Variants in RAD21 observed in about 807,000 individuals in gnomAD.
RAD21 encodes the protein RAD21 cohesin complex component.
In RAD21, 18 loss-of-function variants were observed where a neutral mutation model predicts 71.5. The ratio of observed to expected loss-of-function variants is 0.25; its 90% CI spans 0.17 to 0.37. RAD21 has a LOEUF of 0.37. RAD21 is among the 10% of genes least tolerant of loss of function. The pLI is 1.00. For synonymous variants in RAD21, 248 were observed against 254.0 expected, an observed-to-expected ratio of 0.98 and a Z score of 0.22; for missense variants, 493 against 769.1, an observed-to-expected ratio of 0.64 and a Z score of 4.25.
At chr8:116,873,248 T>G (rs1342095267) in intron 1 of RAD21, among the ~76,000 whole-genome samples, 2 of 150,896 alleles carry the variant, frequency 1.3e-5, no homozygotes, top group African/African-American at 5.0e-5. Flanking sequence ...AGAAATTCTT[T>G]TGTAATTCTG....
rs16888952 is a variant in RAD21 at position 116,859,422 on chromosome 8, G to A, written c.375-964C>T. On this transcript the variant is annotated intron_variant, in intron 4 of 13. Coordinates refer to ENST00000297338, the MANE Select transcript of RAD21 (RefSeq NM_006265.3). ...TTTTTCCTTATTTTTTAGTAGACAT[G>A]GGGGGGCGGGATCTTACTATATTGC... Among the ~76,000 whole-genome samples the A allele has an allele frequency of 5.9e-3, 892 of 151,858 alleles. 3 individuals are homozygous for A. The highest frequency in any genetic ancestry group is 9.2e-3 in the Non-Finnish European group (626 of 67,876).
chr8:116,856,092 T>G, intron 8 of RAD21, 74 bp downstream of exon 8: 1 of 1,506,312 alleles, frequency 6.6e-7, no homozygotes, highest in Non-Finnish European at 9.0e-7. Context: ...CAGTAGCAGA[T>G]CAGTAGACAG....
At chr8:116,861,758 C>G in intron 4 of RAD21, 83 bp downstream of exon 4, 1 of 958,014 alleles carries the variant, frequency 1.0e-6, no homozygotes, top group Non-Finnish European at 1.6e-6. Context: ...TAAAACATTC[C>G]AAGGAAAACT....
Position 116,846,286 on chromosome 8 carries a change from A to C in RAD21, c.*1214T>G, listed in dbSNP as rs1217957363. ...GGGTATACACTGAAGTCTGAGTTTCAAAAGTGATTTTTTTTTCCCACAAAA... is the reference window on the plus strand; with the variant it reads ...GGGTATACACTGAAGTCTGAGTTTCCAAAGTGATTTTTTTTTCCCACAAAA... On this transcript the variant is annotated 3_prime_UTR_variant, in exon 14 of 14. Transcript: ENST00000297338. 4.3e-6 allele frequency: 1 copy of C among 230,890 alleles called. No homozygotes were observed. Among genetic ancestry groups the C allele is most frequent in the Non-Finnish European group, 8.6e-6 (1 of 116,692 alleles). 14.3% of individuals were successfully genotyped at this position (230,890 alleles called of 1,614,324 possible).
intron 1 of RAD21, among the ~76,000 whole-genome samples, chr8:116,873,501 T>C (rs149159758): frequency 6.6e-6 from 1 of 151,322 alleles, no homozygotes; most frequent in Non-Finnish European, 1.5e-5. Context: ...TTACACCCAA[T>C]TTAAGAAAAT....
At position 116,856,292 on chromosome 8, in the gene RAD21, T is replaced by TAAAAAAAA. The variant is rs35902828; in HGVS notation, c.815-12_815-5dup. On this transcript the variant is annotated splice_polypyrimidine_tract_variant and splice_region_variant and intron_variant, in intron 7 of 13. Transcript: ENST00000297338. Reference sequence around the variant, plus strand: ...TCAGGACTATCAGGCCCACCCACTGTAAAAAAAAAAAAAAAAAAAAAAAGT... The same window carrying TAAAAAAAA: ...TCAGGACTATCAGGCCCACCCACTGTAAAAAAAAAAAAAAAAAAAAAAAAAAAAAAAGT... 2.6e-6 allele frequency: 3 copies of TAAAAAAAA among 1,175,616 alleles called. No individual in the cohort carries two copies. The highest frequency in any genetic ancestry group is 3.2e-5 in the South Asian group (1 of 31,636). 72.8% of individuals were successfully genotyped at this position (1,175,616 alleles called of 1,614,324 possible). A position where few individuals can be genotyped will look rare whatever the true frequency, so the allele number is the denominator to read the frequency against.
chr8:116,862,349 A>G (rs1219377699), intron 3 of RAD21, among the ~76,000 whole-genome samples: 3 of 152,100 alleles, frequency 2.0e-5, no homozygotes, highest in Non-Finnish European at 4.4e-5. Context: ...CAAGTTGTCT[A>G]TAATAAATAT....
chr8:116,873,570 A>T (rs933172177), intron 1 of RAD21, among the ~76,000 whole-genome samples: 6 of 152,190 alleles, frequency 3.9e-5, no homozygotes, highest in Non-Finnish European at 8.8e-5. Flanking sequence ...AACAAAGATT[A>T]ACTTTCCCTT....
chr8:116,867,784 A>G (rs1449243098), intron 1 of RAD21, among the ~76,000 whole-genome samples: 1 of 152,366 alleles, frequency 6.6e-6, no homozygotes, highest in East Asian at 1.9e-4. Flanking sequence ...AGCAGGTCCC[A>G]TGTACTTTTT....
Position 116,847,187 on chromosome 8 carries a change from G to C in RAD21, c.*313C>G, listed in dbSNP as rs1050543377. On this transcript the variant is annotated 3_prime_UTR_variant, in exon 14 of 14. Transcript: ENST00000297338. ...AATGAAGAACTAAGATAAAAATCAT[G>C]ACTTTTGACTGCCACTCAACATTAT... 5 of 278,520 alleles carry C rather than the reference G, an allele frequency of 1.8e-5. No homozygotes were observed. Among genetic ancestry groups the C allele is most frequent in the African/African-American group, 8.6e-5 (4 of 46,556 alleles). 17.3% of individuals were successfully genotyped at this position (278,520 alleles called of 1,614,324 possible).
Position 116,846,935 on chromosome 8 carries a change from G to A in RAD21, c.*565C>T, listed in dbSNP as rs904673262. The A allele has an allele frequency of 6.5e-5, 14 of 214,364 alleles. No homozygotes were observed. The highest frequency in any genetic ancestry group is 2.1e-4 in the East Asian group (3 of 14,304). The allele number at this position is 214,364 out of a possible 1,614,324, so 13.3% of individuals were successfully genotyped here. A position where few individuals can be genotyped will look rare whatever the true frequency, so the allele number is the denominator to read the frequency against. ...AGGCTATCAGTCATAACACAATTTC[G>A]CGTACACCTCTGCTCATTATGGAAT... On this transcript the variant is annotated 3_prime_UTR_variant, in exon 14 of 14. Transcript: ENST00000297338.
At chr8:116,868,789 C>T (rs897695092) in intron 1 of RAD21, among the ~76,000 whole-genome samples, 10 of 151,072 alleles carry the variant, frequency 6.6e-5, no homozygotes, top group African/African-American at 2.4e-4. Context: ...AGAAATAGCC[C>T]GCACAACTAA....
At chr8:116,847,778 C>G (rs1812276154) in intron 13 of RAD21, 87 bp from the exon 14 acceptor site, 2 of 1,215,466 alleles carry the variant, frequency 1.6e-6, no homozygotes, top group South Asian at 3.1e-5. Context: ...AATATTTGTC[C>G]CCTCCAAATC....
Position 116,852,030 on chromosome 8 carries a change from A to G in RAD21, c.1388T>C (p.Ile463Thr). The stretch of plus-strand genomic sequence containing the variant: ...TGGTGGAGGCATAGCTGACTCATCT[A>G]TGTTTGTTCTGCTGGCCTCCATCAC... ...ESVMEASRTN[I>T]DESAMPPPPP... Residue 463 changes from isoleucine (I) to threonine (T), a missense_variant, in exon 11 of 14, where the codon ATA (isoleucine) becomes ACA (threonine). This residue lies in a region of RAD21 where 225 missense variants were observed against 218.3 expected (regional missense o/e 1.03). Coordinates refer to ENST00000297338, the MANE Select transcript of RAD21 (RefSeq NM_006265.3). The G allele has an allele frequency of 1.2e-6, 2 of 1,612,996 alleles. No homozygotes were observed. The highest frequency in any genetic ancestry group is 1.3e-5 in the African/African-American group (1 of 75,018).
chr8:116,874,470 G>A (rs950501020), intron 1 of RAD21, 141 bp downstream of exon 1: 16 of 211,946 alleles, frequency 7.5e-5, no homozygotes, highest in Non-Finnish European at 1.1e-4. Context: ...CGGGAGGGTG[G>A]CAGCACGCGT....
At chr8:116,871,173 T>C (rs1002992154) in intron 1 of RAD21, among the ~76,000 whole-genome samples, 3 of 152,214 alleles carry the variant, frequency 2.0e-5, no homozygotes, top group Non-Finnish European at 4.4e-5. Context: ...CCTATTTTTT[T>C]TTCCTTGATA....
chr8:116,866,860 A>T, intron 1 of RAD21, 99 bp from the exon 2 acceptor site: 1 of 705,230 alleles, frequency 1.4e-6, no homozygotes, highest in Non-Finnish European at 2.0e-6. Flanking sequence ...CTTTAATATG[A>T]AAACTATAAA....
rs780167105 is a variant in RAD21 at position 116,863,125 on chromosome 8, A to G, written c.274+5T>C. ...ACAACAAAAACCAAACAAGTTTAAC[A>G]ATACCTGGCCGAAAAGCCATCTTTA... On this transcript the variant is annotated splice_donor_5th_base_variant and intron_variant, in intron 3 of 13. Coordinates refer to ENST00000297338, the MANE Select transcript of RAD21 (RefSeq NM_006265.3). The G allele has an allele frequency of 1.9e-6, 3 of 1,600,138 alleles. No homozygotes were observed. The highest frequency in any genetic ancestry group is 2.6e-6 in the Non-Finnish European group (3 of 1,171,160).
Position 116,854,101 on chromosome 8 carries a change from G to C in RAD21, c.1161+144C>G, listed in dbSNP as rs78584904. The C allele has an allele frequency of 5.8e-3, 3,690 of 631,350 alleles. 120 individuals are homozygous for C. Among genetic ancestry groups the C allele is most frequent in the African/African-American group, 0.058 (3,072 of 52,698 alleles). The allele number at this position is 631,350 out of a possible 1,614,324, so 39.1% of individuals were successfully genotyped here. ...TATATTTCAGATGAAGTTATGCCCA[G>C]TACACTGTGATTTAAGGGAGAAAAA... On this transcript the variant is annotated intron_variant, in intron 9 of 13. Coordinates refer to ENST00000297338, the MANE Select transcript of RAD21 (RefSeq NM_006265.3).
Sources: gnomAD v4.1 joint callset for allele counts (sites outside exome capture counted in the v4.1 genomes callset) on GRCh38, gnomAD v4.1.1 for gene constraint, gnomAD v4.1.1 regional missense constraint, MANE v1.5 for transcripts, NCBI Gene and HGNC (gene_info 2026-07-23, HGNC 2026-07-21) for gene names.